PNN: variants seen among roughly 807,000 people sequenced by gnomAD.
PNN encodes pinin.
In PNN, 38 loss-of-function variants were observed where a neutral mutation model predicts 76.6. The ratio of observed to expected loss-of-function variants is 0.50; its 90% CI spans 0.38 to 0.65. The LOEUF (loss-of-function observed/expected upper bound fraction) is 0.65. Among genes scored for constraint, PNN ranks in the 30% least tolerant of loss-of-function variants. The pLI is 0.00. For missense variants in PNN, 873 were observed against 874.1 expected (o/e 1.00, Z 0.02); for synonymous variants, 366 against 283.7 (o/e 1.29, Z -2.91).
At chr14:39,176,682 C>T in intron 3 of PNN, 87 bp downstream of exon 3, 7 of 849,518 alleles carry the variant, frequency 8.2e-6, no homozygotes, top group Non-Finnish European at 1.3e-5. Flanking sequence ...AATTCTGTTT[C>T]AGCAATATTA....
rs779183907 is a variant in PNN at position 39,179,240 on chromosome 14, G to A, written c.648G>A (p.Ala216=). The A allele has an allele frequency of 6.2e-6, 10 of 1,612,284 alleles. 1 individual carries two copies. The South Asian group carries it at 6.6e-5, about 11-fold the overall frequency. ...TTTTGGAACAGAAAGTTGAGCTTGC[G>A]CAGCTGGTGAGTGGTAATTTGGAAT... ...LRLLEQKVEL[A]QLQEEWNEHN... The change falls in exon 7 of 9, where the codon GCG becomes GCA. Residue 216 remains alanine (A), a synonymous_variant. Coordinates refer to ENST00000216832, the MANE Select transcript of PNN (RefSeq NM_002687.4).
In PNN at chr14:39,177,589, G is replaced by A. The variant is rs766984252; in HGVS notation, c.328-4G>A. ...TAAATTACTGAGATTTTCTTTTTCT[G>A]CAGCCAGCATTGCAGTCTTCAGTTG... On this transcript the variant is annotated splice_polypyrimidine_tract_variant and splice_region_variant and intron_variant, in intron 4 of 8. Coordinates refer to ENST00000216832, the MANE Select transcript of PNN (RefSeq NM_002687.4). The A allele has an allele frequency of 6.2e-7, 1 of 1,613,008 alleles. No homozygotes were observed. Among genetic ancestry groups the A allele is most frequent in the Non-Finnish European group, 8.5e-7 (1 of 1,178,996 alleles).
intron 1 of PNN, 187 bp from the exon 2 acceptor site, chr14:39,175,891 C>T (rs2053219333): frequency 3.5e-6 from 2 of 571,992 alleles, no homozygotes; most frequent in Non-Finnish European, 6.2e-6. Flanking sequence ...GACACAGGTC[C>T]TGGAGAAACG....
Position 39,177,426 on chromosome 14 carries a change from G to C in PNN, c.269G>C (p.Arg90Pro). 6.2e-7 allele frequency: 1 copy of C among 1,613,928 alleles called. No individual in the cohort carries two copies. ...EGAVSRLGGE[R>P]RTRRESRQES... ...TTCTATGACAGGCTGGGCGGGGAGC[G>C]TCGGACCAGAAGAGAATCACGCCAG... The change falls in exon 4 of 9, where the codon CGT becomes CCT. Residue 90 changes from arginine to proline, a missense_variant. This residue lies in a region of PNN where 156 missense variants were observed against 161.7 expected (regional missense o/e 0.96). Transcript: ENST00000216832.
rs753744697 is a variant in PNN at position 39,177,802 on chromosome 14, G to C, written c.423-39G>C. On this transcript the variant is annotated intron_variant, in intron 5 of 8. Coordinates refer to ENST00000216832, the MANE Select transcript of PNN (RefSeq NM_002687.4). ...GAAAATGATGGGTTTAAATGAAATGGATCCTGTTGACAGTAAATTTTCTTA... is the reference window on the plus strand; with the variant it reads ...GAAAATGATGGGTTTAAATGAAATGCATCCTGTTGACAGTAAATTTTCTTA... 60 of 1,509,202 alleles carry C rather than the reference G, an allele frequency of 4.0e-5. No individual in the cohort carries two copies. In the Middle Eastern group the frequency reaches 1.0e-3, roughly 26 times the overall value. 93.5% of individuals were successfully genotyped at this position (1,509,202 alleles called of 1,614,324 possible). A position where few individuals can be genotyped will look rare whatever the true frequency, so the allele number is the denominator to read the frequency against.
At position 39,180,467 on chromosome 14, in the gene PNN, C is replaced by T. The variant is rs775101989; in HGVS notation, c.794-36C>T. On this transcript the variant is annotated intron_variant, in intron 8 of 8. Coordinates refer to ENST00000216832, the MANE Select transcript of PNN (RefSeq NM_002687.4). ...AATTATGGCTTTGAATTTTCTTAAT[C>T]GGTAAATTTTACACATGTAAATTTT... 29 of 1,494,706 alleles carry T rather than the reference C, an allele frequency of 1.9e-5. No homozygotes were observed. The African/African-American group carries it at 2.4e-4, about 12-fold the overall frequency. 92.6% of individuals were successfully genotyped at this position (1,494,706 alleles called of 1,614,324 possible).
At chr14:39,177,352 C>T in intron 3 of PNN, 60 bp from the exon 4 acceptor site, 19 of 1,419,256 alleles carry the variant, frequency 1.3e-5, no homozygotes, top group Non-Finnish European at 1.6e-5. Context: ...CACCACTGCA[C>T]TTCAGCCTGG....
chr14:39,175,817 C>T, intron 1 of PNN: 4 of 491,294 alleles, frequency 8.1e-6, no homozygotes, highest in Non-Finnish European at 3.6e-6. Context: ...TCGGGGATGG[C>T]GGGATGGGGA....
At chr14:39,176,719 C>G (rs2053228573) in intron 3 of PNN, 124 bp downstream of exon 3, 1 of 623,486 alleles carries the variant, frequency 1.6e-6, no homozygotes, top group Non-Finnish European at 2.7e-6. Context: ...CACTCCCTGC[C>G]CCCCCCAAGT....
At position 39,177,420 on chromosome 14, in the gene PNN, GGGAGCGTC is replaced by G; in HGVS notation, c.267_274del (p.Glu89AspfsTer14). ...AATATTTTCTATGACAGGCTGGGCG[GGGAGCGTC>G]GGACCAGAAGAGAATCACGCCAGGA... On this transcript the variant is annotated frameshift_variant, in exon 4 of 9. Coordinates refer to ENST00000216832, the MANE Select transcript of PNN (RefSeq NM_002687.4). LOFTEE classifies it high-confidence loss of function. 6.2e-7 allele frequency: 1 copy of G among 1,613,804 alleles called. No homozygotes were observed. Among genetic ancestry groups the G allele is most frequent in the Non-Finnish European group, 8.5e-7 (1 of 1,179,758 alleles).
At chr14:39,176,623 C>T (rs2053227330) in intron 3 of PNN, 28 bp downstream of exon 3, 6 of 1,344,724 alleles carry the variant, frequency 4.5e-6, no homozygotes, top group Non-Finnish European at 6.3e-6. Context: ...TTCCTGAAGG[C>T]TTCTTTAGTT....
In PNN at chr14:39,181,112, C is replaced by G; in HGVS notation, c.1403C>G (p.Pro468Arg). The G allele has an allele frequency of 1.2e-6, 2 of 1,613,436 alleles. No homozygotes were observed. ...SEEKEEKESEPQPEPVAQPQP... is the reference protein window; with the variant it reads ...SEEKEEKESERQPEPVAQPQP... ...GAAAAAGAAGAAAAAGAATCTGAGCCCCAACCTGAGCCTGTGGCTCAACCT... is the reference window on the plus strand; with the variant it reads ...GAAAAAGAAGAAAAAGAATCTGAGCGCCAACCTGAGCCTGTGGCTCAACCT... Residue 468 changes from proline (P) to arginine (R), a missense_variant, in exon 9 of 9, where the codon CCC becomes CGC. Around this residue, in one of 3 missense-constraint regions of PNN, gnomAD observed 712 missense variants for 693.1 expected, o/e 1.03. Coordinates refer to ENST00000216832, the MANE Select transcript of PNN (RefSeq NM_002687.4).
In PNN at chr14:39,179,387, C is replaced by T. The variant is rs1420121836; in HGVS notation, c.718C>T (p.His240Tyr). 2 of 1,609,806 alleles carry T rather than the reference C, an allele frequency of 1.2e-6. No homozygotes were observed. Among genetic ancestry groups the T allele is most frequent in the African/African-American group, 1.3e-5 (1 of 74,786 alleles). Residue 240 changes from histidine to tyrosine, a missense_variant, in exon 8 of 9, where the codon CAT becomes TAT. Transcript: ENST00000216832. ...IKYIRTKTKP[H>Y]LFYIPGRMCP... ...ATATATAAGAACTAAGACAAAGCCC[C>T]ATTTGTTTTATATTCCTGGAAGAAT...
At position 39,177,635 on chromosome 14, in the gene PNN, A is replaced by G; in HGVS notation, c.370A>G (p.Thr124Ala). The change falls in exon 5 of 9, where the codon ACA becomes GCA. Residue 124 changes from threonine (T) to alanine (A), a missense_variant. This residue lies in a region of PNN where 156 missense variants were observed against 161.7 expected (regional missense o/e 0.96). Coordinates refer to ENST00000216832, the MANE Select transcript of PNN (RefSeq NM_002687.4). The part of the protein sequence containing the change: ...SSVVATSKER[T>A]RRDLIQDQNM... ...AGTTGTAGCTACCTCCAAAGAGCGC[A>G]CACGTAGAGACCTTATCCAGGATCA... 1.2e-6 allele frequency: 2 copies of G among 1,614,048 alleles called. No individual in the cohort carries two copies. The highest frequency in any genetic ancestry group is 1.7e-6 in the Non-Finnish European group (2 of 1,179,884).
chr14:39,178,329 C>G (rs181032764), intron 6 of PNN, among the ~76,000 whole-genome samples: 117 of 152,118 alleles, frequency 7.7e-4, no homozygotes, highest in African/African-American at 2.7e-3. Flanking sequence ...AGAAGTTTTT[C>G]GAGACCAGCC....
intron 8 of PNN, 68 bp from the exon 9 acceptor site, chr14:39,180,435 G>A (rs1424261124): frequency 9.7e-6 from 14 of 1,447,496 alleles, no homozygotes; most frequent in African/African-American, 1.4e-5. Flanking sequence ...TTTGTGACCA[G>A]TTATAAAATT....
chr14:39,177,756 A>G (rs2039904825), intron 5 of PNN, 69 bp downstream of exon 5: 1 of 1,439,480 alleles, frequency 6.9e-7, no homozygotes, highest in Non-Finnish European at 9.8e-7. Context: ...GGATTGTTCA[A>G]GCATCCTGTA....
rs1206601338 is a variant in PNN at position 39,176,291 on chromosome 14, C to G, written c.185+142C>G. The G allele has an allele frequency of 6.2e-6, 4 of 641,800 alleles. No individual in the cohort carries two copies. The African/African-American group carries it at 7.4e-5, about 12-fold the overall frequency. 39.8% of individuals were successfully genotyped at this position (641,800 alleles called of 1,614,324 possible). On this transcript the variant is annotated intron_variant, in intron 2 of 8. Coordinates refer to ENST00000216832, the MANE Select transcript of PNN (RefSeq NM_002687.4). ...TTTAATGTTGTAATAGACTAGATTT[C>G]TGTATAAATATAGTTATCCTGAAAA...
intron 1 of PNN, 78 bp downstream of exon 1, chr14:39,175,470 G>A: frequency 2.3e-6 from 2 of 881,678 alleles, no homozygotes; most frequent in South Asian, 2.8e-5. Flanking sequence ...GGGCGGGGAG[G>A]GCGGCCAGCC....
Sources: gnomAD v4.1 joint callset for allele counts (sites outside exome capture counted in the v4.1 genomes callset) on GRCh38, gnomAD v4.1.1 for gene constraint, gnomAD v4.1.1 regional missense constraint, MANE v1.5 for transcripts, NCBI Gene and HGNC (gene_info 2026-07-23, HGNC 2026-07-21) for gene names.